Variants in TPRG1 observed in about 807,000 individuals in gnomAD.
The protein encoded by TPRG1 is tumor protein p63-regulated gene 1 protein.
TPRG1 carries 29 observed loss-of-function variants against 29.3 expected under a neutral mutation model. That is an observed-to-expected ratio of 0.99 (90% CI 0.74 to 1.35). The LOEUF (loss-of-function observed/expected upper bound fraction) is 1.35, where lower values mean the gene tolerates loss of function less well. Among genes scored for constraint, TPRG1 ranks in the 40% most tolerant of loss-of-function variants. The probability of loss-of-function intolerance (pLI) is 0.00; values close to 1 mark genes in which losing one functional copy is unlikely to be tolerated. For missense variants in TPRG1, 327 were observed against 335.0 expected (o/e 0.98, Z 0.19); for synonymous variants, 130 against 116.8 (o/e 1.11, Z -0.73).
chr3:189,125,530 C>A (rs1259329798), intron 1 of TPRG1, among the ~76,000 whole-genome samples: 1 of 152,038 alleles, frequency 6.6e-6, no homozygotes, highest in African/African-American at 2.4e-5. Flanking sequence ...CTTTTGAGGT[C>A]CAAAAAGGTA....
intron 1 of TPRG1, among the ~76,000 whole-genome samples, chr3:189,106,789 T>C (rs1170936283): frequency 1.3e-5 from 2 of 152,128 alleles, no homozygotes; most frequent in East Asian, 3.9e-4. Context: ...TTTAGGTAGA[T>C]AAGACTAATT....
At chr3:189,011,321 G>A (rs964233646) in intron 3 of TPRG1, among the ~76,000 whole-genome samples, 4 of 152,122 alleles carry the variant, frequency 2.6e-5, no homozygotes, top group African/African-American at 9.7e-5. Context: ...AGTTTAATGA[G>A]AATAGCATTG....
chr3:189,023,183 G>C (rs542639700), intron 3 of TPRG1, among the ~76,000 whole-genome samples: 1 of 152,184 alleles, frequency 6.6e-6, no homozygotes, highest in East Asian at 1.9e-4. Context: ...GAAATCACCC[G>C]TCTTCTGCGT....
chr3:189,110,891 AGTCTCCACT>A (rs926176483), intron 1 of TPRG1, among the ~76,000 whole-genome samples: 1 of 151,538 alleles, frequency 6.6e-6, no homozygotes, highest in African/African-American at 2.4e-5. Context: ...CTGCTTTTGG[AGTCTCCACT>A]GTGTTCATAT....
intron 1 of TPRG1, among the ~76,000 whole-genome samples, chr3:189,198,307 C>T (rs1352602084): frequency 6.6e-6 from 1 of 152,194 alleles, no homozygotes; most frequent in African/African-American, 2.4e-5. Context: ...CCTCTTCCCA[C>T]TCACCATCTT....
intron 4 of TPRG1, among the ~76,000 whole-genome samples, chr3:189,250,615 C>T (rs1742084549): frequency 1.4e-5 from 2 of 147,210 alleles, no homozygotes; most frequent in Admixed American, 7.1e-5. Context: ...CATTAAGTCA[C>T]CATTATAAGG....
chr3:189,002,764 G>A (rs1194760876), intron 2 of TPRG1, among the ~76,000 whole-genome samples: 1 of 152,090 alleles, frequency 6.6e-6, no homozygotes, highest in Non-Finnish European at 1.5e-5. Context: ...GTACAATAGA[G>A]GACTTGTGGA....
chr3:189,115,618 G>A (rs1384102739), intron 1 of TPRG1, among the ~76,000 whole-genome samples: 1 of 152,124 alleles, frequency 6.6e-6, no homozygotes, highest in Non-Finnish European at 1.5e-5. Flanking sequence ...AGGATTGTAG[G>A]CCTGGGCTTT....
intron 4 of TPRG1, among the ~76,000 whole-genome samples, chr3:189,049,754 T>C (rs1229932816): frequency 6.6e-6 from 1 of 152,204 alleles, no homozygotes; most frequent in Non-Finnish European, 1.5e-5. Flanking sequence ...CTGCACCTTC[T>C]GCCACCTCCA....
At chr3:189,255,657 C>CT (rs1448059083) in intron 4 of TPRG1, among the ~76,000 whole-genome samples, 5 of 152,028 alleles carry the variant, frequency 3.3e-5, no homozygotes, top group Non-Finnish European at 7.4e-5. Flanking sequence ...TGGTCCTGGG[C>CT]TTTTTTTGGT....
intron 2 of TPRG1, 38 bp from the exon 3 acceptor site, chr3:189,215,254 G>T (rs777544156): frequency 6.4e-7 from 1 of 1,566,686 alleles, no homozygotes; most frequent in Non-Finnish European, 8.7e-7. Context: ...AGTGGGCTAA[G>T]TCTGCTCTAA....
At chr3:189,078,885 T>C (rs986890342) in intron 4 of TPRG1, among the ~76,000 whole-genome samples, 43 of 152,170 alleles carry the variant, frequency 2.8e-4, no homozygotes, top group African/African-American at 9.4e-4. Flanking sequence ...AGTAAAGCAA[T>C]AGTGTGGTGT....
intron 4 of TPRG1, among the ~76,000 whole-genome samples, chr3:189,280,492 C>A (rs1166247893): frequency 6.6e-6 from 1 of 151,930 alleles, no homozygotes; most frequent in African/African-American, 2.4e-5. Flanking sequence ...TTTTTATGCC[C>A]CTCTTTCCTA....
At chr3:189,075,208 C>T (rs1015171054) in intron 4 of TPRG1, among the ~76,000 whole-genome samples, 5 of 152,296 alleles carry the variant, frequency 3.3e-5, no homozygotes, top group African/African-American at 1.2e-4. Flanking sequence ...TCTCCACTCA[C>T]TGCAACCTCT....
chr3:189,170,929 A>G (rs1468774589), upstream of TPRG1, among the ~76,000 whole-genome samples: 1 of 152,238 alleles, frequency 6.6e-6, no homozygotes, highest in African/African-American at 2.4e-5. Context: ...CAGCCATCAA[A>G]CAAATACAAT....
At chr3:189,262,132 A>C (rs1713172619) in intron 4 of TPRG1, among the ~76,000 whole-genome samples, 1 of 152,116 alleles carries the variant, frequency 6.6e-6, no homozygotes, top group Non-Finnish European at 1.5e-5. Context: ...GTCATAGTAG[A>C]GTTGGGAAAT....
chr3:189,146,741 TA>T (rs1310995415), intron 3 of TPRG1, among the ~76,000 whole-genome samples: 7 of 152,156 alleles, frequency 4.6e-5, no homozygotes. Context: ...TGCTAATAAA[TA>T]AAAAAGTAAT....
At chr3:189,218,412 G>A (rs780760749) in intron 3 of TPRG1, among the ~76,000 whole-genome samples, 31 of 152,034 alleles carry the variant, frequency 2.0e-4, no homozygotes, top group South Asian at 4.2e-4. Flanking sequence ...CATCGCGCCC[G>A]GCCGAGATTC....
upstream of TPRG1, among the ~76,000 whole-genome samples, chr3:189,170,120 G>T (rs1397365857): frequency 1.3e-5 from 2 of 152,112 alleles, no homozygotes; most frequent in East Asian, 3.9e-4. Flanking sequence ...AAGAGACCAG[G>T]CTGGGATCCA....
Sources: allele counts gnomAD v4.1 joint callset (sites outside exome capture counted in the v4.1 genomes callset), GRCh38; gene constraint gnomAD v4.1.1; transcripts MANE v1.5; gene names NCBI Gene and HGNC (gene_info 2026-07-23, HGNC 2026-07-21).